Variants in UPB1 observed in about 807,000 individuals in gnomAD.
The protein encoded by UPB1 is beta-ureidopropionase.
Under a neutral mutation model 49.1 loss-of-function variants are expected in UPB1, and 40 were observed. The observed-to-expected ratio is 0.81, with a 90% CI of 0.63 to 1.06. The LOEUF (loss-of-function observed/expected upper bound fraction) is 1.06, where lower values mean the gene tolerates loss of function less well. Among genes scored for constraint, UPB1 ranks in the 50% least tolerant of loss-of-function variants. UPB1 has a pLI of 0.00. For synonymous variants in UPB1, 207 were observed against 198.2 expected (o/e 1.04, Z -0.38); for missense variants, 499 against 505.9 (o/e 0.99, Z 0.13).
At chr22:24,506,353 T>G (rs1266079756) in intron 3 of UPB1, among the ~76,000 whole-genome samples, 1 of 152,060 alleles carries the variant, frequency 6.6e-6, no homozygotes, top group Non-Finnish European at 1.5e-5. Flanking sequence ...CTTTGACCAG[T>G]CCTTGTTTAT....
Position 24,525,750 on chromosome 22 carries a change from G to A in UPB1, c.1111G>A (p.Glu371Lys), listed in dbSNP as rs375868245. ...TGAGATGTACGCACGGGAGCTCGCCGAAGCTGTCAAGTCCAACTACAGCCC... is the reference window on the plus strand; with the variant it reads ...TGAGATGTACGCACGGGAGCTCGCCAAAGCTGTCAAGTCCAACTACAGCCC... ...RYEMYARELA[E>K]AVKSNYSPTI... The change falls in exon 10 of 10, where the codon GAA (glutamate) becomes AAA (lysine). Residue 371 changes from glutamate to lysine, a missense_variant. Physicochemically the swap from Glu to Lys is moderately conservative, Grantham distance 56 (BLOSUM62 1). Transcript: ENST00000326010. 46 of 1,614,078 alleles carry A rather than the reference G, an allele frequency of 2.8e-5. No individual in the cohort carries two copies. Among genetic ancestry groups the A allele is most frequent in the Non-Finnish European group, 3.7e-5 (44 of 1,180,036 alleles).
chr22:24,496,621 C>T (rs2043893153), intron 1 of UPB1, among the ~76,000 whole-genome samples: 1 of 152,094 alleles, frequency 6.6e-6, no homozygotes, highest in Admixed American at 6.5e-5. Context: ...GGGCTATTTG[C>T]TATGTGGAGG....
Position 24,495,378 on chromosome 22 carries a change from G to A in UPB1, c.-26G>A. 6.2e-7 allele frequency: 1 copy of A among 1,611,356 alleles called. No individual in the cohort carries two copies. Among genetic ancestry groups the A allele is most frequent in the Non-Finnish European group, 8.5e-7 (1 of 1,179,676 alleles). ...GCAAAGGGCAGGCAGTTCGTGCGCG[G>A]ACACAAGCACTGGCGGACCGTGGCC... On this transcript the variant is annotated 5_prime_UTR_variant, in exon 1 of 10. Coordinates refer to ENST00000326010, the MANE Select transcript of UPB1 (RefSeq NM_016327.3).
chr22:24,502,670 G>A (rs1260645744), intron 3 of UPB1: 1 of 614,450 alleles, frequency 1.6e-6, no homozygotes, highest in Non-Finnish European at 2.9e-6. Context: ...GGGTGTACAA[G>A]GTCTGTTACC....
At chr22:24,520,986 C>T (rs2044379950) in intron 7 of UPB1, among the ~76,000 whole-genome samples, 1 of 152,040 alleles carries the variant, frequency 6.6e-6, no homozygotes, top group Admixed American at 6.6e-5. Flanking sequence ...AGTTTGAAAC[C>T]AGCCTGGCCA....
In UPB1 at chr22:24,513,369, C is replaced by G; in HGVS notation, c.505C>G (p.Arg169Gly). 1 of 1,614,158 alleles carries G rather than the reference C, an allele frequency of 6.2e-7. No individual in the cohort carries two copies. Reference protein sequence around the residue: ...DMVVVSPILERDSEHGDVLWN... With the variant: ...DMVVVSPILEGDSEHGDVLWN... ...GGTGGTGGTGTCTCCCATCCTGGAA[C>G]GAGACAGCGAGCATGGGGATGTTTT... The change falls in exon 5 of 10, where the codon CGA becomes GGA. Residue 169 changes from arginine to glycine, a missense_variant. Arg to Gly is a moderately radical substitution (Grantham distance 125). Coordinates refer to ENST00000326010, the MANE Select transcript of UPB1 (RefSeq NM_016327.3).
At chr22:24,509,932 T>A (rs2044166955) in intron 3 of UPB1, among the ~76,000 whole-genome samples, 1 of 152,174 alleles carries the variant, frequency 6.6e-6, no homozygotes, top group African/African-American at 2.4e-5. Flanking sequence ...TTTCTGTCAT[T>A]AAGAATTTGA....
At position 24,513,296 on chromosome 22, in the gene UPB1, G is replaced by C. The variant is rs768727801; in HGVS notation, c.460-28G>C. 4.3e-6 allele frequency: 7 copies of C among 1,613,974 alleles called. No individual in the cohort carries two copies. The South Asian group carries it at 7.7e-5, about 18-fold the overall frequency. ...ACTACAACAATTGGTTTATAAGTGG[G>C]ACTCTGCCATATTTATCATTTTTCC... On this transcript the variant is annotated intron_variant, in intron 4 of 9. Transcript: ENST00000326010.
At chr22:24,510,901 A>G (rs2044187489) in intron 4 of UPB1, 58 bp downstream of exon 4, 9 of 1,567,860 alleles carry the variant, frequency 5.7e-6, no homozygotes, top group Middle Eastern at 1.7e-4. Context: ...GTCACAGAGC[A>G]TGACCACAGC....
At chr22:24,508,483 C>T (rs986299865) in intron 3 of UPB1, among the ~76,000 whole-genome samples, 1 of 151,928 alleles carries the variant, frequency 6.6e-6, no homozygotes, top group Non-Finnish European at 1.5e-5. Flanking sequence ...CGCTTGAACC[C>T]AGGAGGTGGA....
chr22:24,512,412 C>T (rs987251382), intron 4 of UPB1, among the ~76,000 whole-genome samples: 3 of 152,168 alleles, frequency 2.0e-5, no homozygotes, highest in Non-Finnish European at 4.4e-5. Context: ...ACAAATGACC[C>T]GCTGGGCTGC....
chr22:24,502,357 GA>G (rs1364989713), intron 3 of UPB1, 144 bp downstream of exon 3: 1 of 908,830 alleles, frequency 1.1e-6, no homozygotes, highest in African/African-American at 1.6e-5. Flanking sequence ...ACATCACCAG[GA>G]ACCCCGGCCT....
intron 3 of UPB1, among the ~76,000 whole-genome samples, chr22:24,504,602 G>A (rs2044051669): frequency 6.6e-6 from 1 of 151,894 alleles, no homozygotes; most frequent in Non-Finnish European, 1.5e-5. Flanking sequence ...TGAAGCTCTA[G>A]GAAATGTTCT....
At chr22:24,508,122 G>T (rs2044124870) in intron 3 of UPB1, among the ~76,000 whole-genome samples, 2 of 152,086 alleles carry the variant, frequency 1.3e-5, no homozygotes. Flanking sequence ...ATTCTAAAGG[G>T]GTCTTAAGGC....
intron 3 of UPB1, among the ~76,000 whole-genome samples, chr22:24,504,216 T>C (rs1049902204): frequency 1.3e-5 from 2 of 152,220 alleles, no homozygotes; most frequent in African/African-American, 4.8e-5. Flanking sequence ...AGCTAGGGAC[T>C]CTCAGAACAA....
chr22:24,520,546 C>G, intron 7 of UPB1, 78 bp downstream of exon 7: 3 of 1,511,682 alleles, frequency 2.0e-6, no homozygotes, highest in Non-Finnish European at 2.7e-6. Context: ...CCTCTGCACA[C>G]ATGCCACAAA....
At position 24,500,184 on chromosome 22, in the gene UPB1, C is replaced by G; in HGVS notation, c.182C>G (p.Ala61Gly). 6.2e-7 allele frequency: 1 copy of G among 1,614,214 alleles called. No individual in the cohort carries two copies. The highest frequency in any genetic ancestry group is 2.2e-5 in the East Asian group (1 of 44,886). ...DFELQGYAFE[A>G]AEEQLRRPRI... is the part of the protein sequence containing the mutation. ...GAACTGCAGGGATATGCCTTTGAAG[C>G]AGCGGAGGAGCAGCTGAGACGACCC... The change falls in exon 2 of 10, where the codon GCA becomes GGA. Residue 61 changes from alanine to glycine, a missense_variant. Physicochemically the swap from Ala to Gly is moderately conservative, Grantham distance 60 (BLOSUM62 0). Transcript: ENST00000326010.
intron 7 of UPB1, 101 bp from the exon 8 acceptor site, chr22:24,521,885 C>T (rs1252149364): frequency 2.4e-6 from 3 of 1,258,028 alleles, no homozygotes; most frequent in African/African-American, 1.5e-5. Context: ...GGCTGACTCG[C>T]CTCTCGGCCT....
At chr22:24,502,695 A>G in intron 3 of UPB1, 1 of 595,028 alleles carries the variant, frequency 1.7e-6, no homozygotes, top group Non-Finnish European at 3.0e-6. Context: ...AATAGCTATT[A>G]TCCCCAGCAT....
Sources: gnomAD v4.1 joint callset for allele counts (sites outside exome capture counted in the v4.1 genomes callset) on GRCh38, gnomAD v4.1.1 for gene constraint, MANE v1.5 for transcripts, NCBI Gene and HGNC (gene_info 2026-07-23, HGNC 2026-07-21) for gene names.